Variants in MARK2 observed in about 807,000 individuals in gnomAD.
The protein encoded by MARK2 is microtubule affinity regulating kinase 2, also known as serine/threonine-protein kinase MARK2.
In MARK2, 16 loss-of-function variants were observed where a neutral mutation model predicts 89.8. The ratio of observed to expected loss-of-function variants is 0.18; its 90% CI spans 0.12 to 0.27. MARK2 has a LOEUF of 0.27. Among genes scored for constraint, MARK2 ranks in the 10% least tolerant of loss-of-function variants. The pLI, the probability that MARK2 is intolerant of heterozygous loss-of-function variation, is 1.00. For synonymous variants in MARK2, 382 were observed against 399.5 expected (o/e 0.96, Z 0.52); for missense variants, 621 against 1,049.9 (o/e 0.59, Z 5.65).
chr11:63,872,513 C>T (rs1163173042), intron 1 of MARK2, among the ~76,000 whole-genome samples: 1 of 152,172 alleles, frequency 6.6e-6, no homozygotes, highest in Non-Finnish European at 1.5e-5. Flanking sequence ...CGTCTCCTGC[C>T]AGGGAGTGAG....
Position 63,898,215 on chromosome 11 carries a change from G to A in MARK2, c.289-17G>A. Reference sequence around the variant, plus strand: ...AGCAAGTTGGGCAGGCATGACCCCTGGTATTTTATCTTCCAGCTATTCCGC... The same window carrying A: ...AGCAAGTTGGGCAGGCATGACCCCTAGTATTTTATCTTCCAGCTATTCCGC... On this transcript the variant is annotated splice_polypyrimidine_tract_variant and intron_variant, in intron 3 of 18. Transcript: ENST00000402010. 1 of 1,611,888 alleles carries A rather than the reference G, an allele frequency of 6.2e-7. No homozygotes were observed. Among genetic ancestry groups the A allele is most frequent in the Non-Finnish European group, 8.5e-7 (1 of 1,178,014 alleles).
In MARK2 at chr11:63,902,059, T is replaced by C. The variant is rs1940939427; in HGVS notation, c.1102-139T>C. The C allele has an allele frequency of 1.2e-6, 1 of 806,160 alleles. No homozygotes were observed. The highest frequency in any genetic ancestry group is 2.0e-6 in the Non-Finnish European group (1 of 511,020). 49.9% of individuals were successfully genotyped at this position (806,160 alleles called of 1,614,324 possible). ...CAGGGTCTCCTCCAGGGGGGATGTA[T>C]TGGTCTTACAAGTGGATGTCCGGTA... On this transcript the variant is annotated intron_variant, in intron 11 of 18. Coordinates refer to ENST00000402010, the MANE Select transcript of MARK2 (RefSeq NM_001039469.3). This position sits in a 1 kb window ranked among gnomAD's most constrained non-coding sequence, Gnocchi z 4.2.
chr11:63,903,962 C>T lies in MARK2; in HGVS notation c.1515-24C>T. Reference sequence around the variant, plus strand: ...GCCCTCACTCACCCCTAACACGGGCCTCTCCGCTGCTTTTGTTTCCTAGCC... The same window carrying T: ...GCCCTCACTCACCCCTAACACGGGCTTCTCCGCTGCTTTTGTTTCCTAGCC... On this transcript the variant is annotated intron_variant, in intron 14 of 18. Coordinates refer to ENST00000402010, the MANE Select transcript of MARK2 (RefSeq NM_001039469.3). The surrounding 1 kb of genome is among the most constrained non-coding windows in gnomAD (Gnocchi z 5.1). 3.2e-6 allele frequency: 5 copies of T among 1,586,616 alleles called. No homozygotes were observed. Among genetic ancestry groups the T allele is most frequent in the South Asian group, 1.1e-5 (1 of 89,328 alleles).
At chr11:63,889,906 T>TA (rs1590643915) in intron 1 of MARK2, among the ~76,000 whole-genome samples, 1 of 152,198 alleles carries the variant, frequency 6.6e-6, no homozygotes, top group East Asian at 1.9e-4. Flanking sequence ...TGCCACGTCT[T>TA]ACTATAAGCA....
At chr11:63,892,126 A>C (rs528475416) in intron 1 of MARK2, among the ~76,000 whole-genome samples, 1 of 152,348 alleles carries the variant, frequency 6.6e-6, no homozygotes, top group East Asian at 1.9e-4. Flanking sequence ...GGGGGGCTTC[A>C]TGGAGATGCA....
intron 1 of MARK2, among the ~76,000 whole-genome samples, chr11:63,870,623 C>T (rs1938392068): frequency 6.6e-6 from 1 of 152,190 alleles, no homozygotes; most frequent in East Asian, 1.9e-4. Context: ...ATGCTGCTCT[C>T]AGTCTGTGTA....
intron 1 of MARK2, among the ~76,000 whole-genome samples, chr11:63,840,731 A>T (rs3850943): frequency 6.6e-6 from 1 of 151,920 alleles, no homozygotes; most frequent in African/African-American, 2.4e-5. Flanking sequence ...GTGTATCCCC[A>T]CACCGTGCTT....
At chr11:63,892,390 G>A (rs904611663) in intron 1 of MARK2, among the ~76,000 whole-genome samples, 1 of 152,172 alleles carries the variant, frequency 6.6e-6, no homozygotes, top group African/African-American at 2.4e-5. Flanking sequence ...TGTCGTTTCT[G>A]CCTGAAAAGC....
At chr11:63,851,816 G>T (rs182746843) in intron 1 of MARK2, among the ~76,000 whole-genome samples, 7 of 152,104 alleles carry the variant, frequency 4.6e-5, no homozygotes, top group Admixed American at 2.0e-4. Flanking sequence ...GTAAAGCCAG[G>T]CTTGGCAACT....
intron 2 of MARK2, 112 bp from the exon 3 acceptor site, chr11:63,895,468 G>C: frequency 7.0e-7 from 1 of 1,424,074 alleles, no homozygotes; most frequent in Non-Finnish European, 9.9e-7. Flanking sequence ...ATATAGGGGT[G>C]CAAAAAGCTG....
At position 63,900,933 on chromosome 11, in the gene MARK2, T is replaced by G; in HGVS notation, c.989-24T>G. The G allele has an allele frequency of 6.2e-7, 1 of 1,611,770 alleles. No individual in the cohort carries two copies. Among genetic ancestry groups the G allele is most frequent in the Non-Finnish European group, 8.5e-7 (1 of 1,177,806 alleles). ...GCTTGCCTAGGAGTTGAGGCCAGTC[T>G]TAACTGTATGTCCCCCTGTGCAGAG... On this transcript the variant is annotated intron_variant, in intron 10 of 18. Transcript: ENST00000402010. The surrounding 1 kb of genome is among the most constrained non-coding windows in gnomAD (Gnocchi z 4.7).
At chr11:63,889,078 G>T in intron 1 of MARK2, 1 of 723,978 alleles carries the variant, frequency 1.4e-6, no homozygotes, top group Non-Finnish European at 2.1e-6. Context: ...GTCCAGCATA[G>T]TAATATTCAT....
At chr11:63,862,501 A>G (rs1198346240) in intron 1 of MARK2, among the ~76,000 whole-genome samples, 1 of 152,150 alleles carries the variant, frequency 6.6e-6, no homozygotes, top group East Asian at 1.9e-4. Context: ...CTCTGCCTCC[A>G]GTTGTTTCTT....
chr11:63,861,797 A>G lies in MARK2; in HGVS notation c.54+22237A>G, dbSNP rs2135241143. Among the ~76,000 whole-genome samples the G allele has an allele frequency of 2.7e-5, 4 of 147,522 alleles. 1 individual carries two copies. In the South Asian group the frequency reaches 8.6e-4, roughly 32 times the overall value. On this transcript the variant is annotated intron_variant, in intron 1 of 18. Coordinates refer to ENST00000402010, the MANE Select transcript of MARK2 (RefSeq NM_001039469.3). Reference sequence around the variant, plus strand: ...GCTCTTGTTGTCCAGGCTAGAGTGCAACGGCACGACCTTGGCTCACTGCAA... The same window carrying G: ...GCTCTTGTTGTCCAGGCTAGAGTGCGACGGCACGACCTTGGCTCACTGCAA...
At chr11:63,905,577 AGTG>A (rs1459155093) in intron 16 of MARK2, among the ~76,000 whole-genome samples, 3 of 152,358 alleles carry the variant, frequency 2.0e-5, no homozygotes, top group Middle Eastern at 3.4e-3. Context: ...GAGGGCCTAC[AGTG>A]GCCTCTTCCC....
intron 1 of MARK2, among the ~76,000 whole-genome samples, chr11:63,851,014 A>G (rs1245332227): frequency 6.6e-6 from 1 of 152,122 alleles, no homozygotes; most frequent in Non-Finnish European, 1.5e-5. Context: ...AGTTTTTCTT[A>G]AAGACCACGT....
At chr11:63,887,247 G>A (rs937426004) in intron 1 of MARK2, among the ~76,000 whole-genome samples, 3 of 152,170 alleles carry the variant, frequency 2.0e-5, no homozygotes, top group African/African-American at 7.2e-5. Flanking sequence ...CTGGTAAGGG[G>A]GACTGTCAAG....
Position 63,903,991 on chromosome 11 carries a change from C to G in MARK2, c.1520C>G (p.Thr507Ser), listed in dbSNP as rs750421602. 1.9e-6 allele frequency: 3 copies of G among 1,605,158 alleles called. No homozygotes were observed. The East Asian group carries it at 6.7e-5, about 36-fold the overall frequency. Residue 507 changes from threonine to serine, a missense_variant, in exon 15 of 19, where the codon ACC (threonine) becomes AGC (serine). Physicochemically the swap from Thr to Ser is moderately conservative, Grantham distance 58. Coordinates refer to ENST00000402010, the MANE Select transcript of MARK2 (RefSeq NM_001039469.3). This position sits in a 1 kb window ranked among gnomAD's most constrained non-coding sequence, Gnocchi z 5.1. ...CCGCTGCTTTTGTTTCCTAGCCTAA[C>G]CATGCCAGGGTCCCGGGCCTCCACG... The part of the protein sequence containing the change: ...ASIQNGKDSL[T>S]MPGSRASTAS...
chr11:63,892,930 C>T (rs1310894865), intron 1 of MARK2, among the ~76,000 whole-genome samples: 1 of 128,198 alleles, frequency 7.8e-6, no homozygotes, highest in Non-Finnish European at 1.6e-5. Flanking sequence ...TTTTTTGAGA[C>T]GGAGTTTCAC....
Sources: gnomAD v4.1 joint callset for allele counts (sites outside exome capture counted in the v4.1 genomes callset) on GRCh38, gnomAD v4.1.1 for gene constraint, Gnocchi (gnomAD v3.1) non-coding constraint, MANE v1.5 for transcripts, NCBI Gene and HGNC (gene_info 2026-07-23, HGNC 2026-07-21) for gene names.